LMBRD2: variants seen among roughly 807,000 people sequenced by gnomAD.
LMBRD2 encodes the protein LMBR1 domain containing 2, also known as G protein-coupled receptor-associated protein LMBRD2.
In LMBRD2, 55 loss-of-function variants were observed where a neutral mutation model predicts 94.4. That is an observed-to-expected ratio of 0.58 (90% CI 0.47 to 0.73). The LOEUF is 0.73. Among genes scored for constraint, LMBRD2 ranks in the 30% least tolerant of loss-of-function variants. The pLI, the probability that LMBRD2 is intolerant of heterozygous loss-of-function variation, is 0.00. For missense variants in LMBRD2, 640 were observed against 831.9 expected (o/e 0.77, Z 2.84); for synonymous variants, 246 against 272.4 (o/e 0.90, Z 0.95).
In LMBRD2 at chr5:36,136,436, A is replaced by C. The variant is rs764272758; in HGVS notation, c.620T>G (p.Val207Gly). 3 of 1,613,914 alleles carry C rather than the reference A, an allele frequency of 1.9e-6. No individual in the cohort carries two copies. The highest frequency in any genetic ancestry group is 2.5e-6 in the Non-Finnish European group (3 of 1,179,956). Residue 207 changes from valine (V) to glycine (G), a missense_variant, in exon 6 of 18, where the codon GTG (valine) becomes GGG (glycine). Transcript: ENST00000296603. ...LLVLLLGYGLVEIPRSYWNGA... is the reference protein window; with the variant it reads ...LLVLLLGYGLGEIPRSYWNGA... ...ATTCCAGTATGATCGAGGAATTTCCACCAAGCCATACCCCAACAACAACAC... is the reference window on the plus strand; with the variant it reads ...ATTCCAGTATGATCGAGGAATTTCCCCCAAGCCATACCCCAACAACAACAC...
In LMBRD2 at chr5:36,136,446, A is replaced by G. The variant is rs767822682; in HGVS notation, c.610T>C (p.Tyr204His). The G allele has an allele frequency of 6.2e-7, 1 of 1,613,998 alleles. No homozygotes were observed. The highest frequency in any genetic ancestry group is 8.5e-7 in the Non-Finnish European group (1 of 1,179,930). ...GLFLLVLLLGYGLVEIPRSYW... is the reference protein window; with the variant it reads ...GLFLLVLLLGHGLVEIPRSYW... Reference sequence around the variant, plus strand: ...GATCGAGGAATTTCCACCAAGCCATACCCCAACAACAACACAAGAAGAAAC... The same window carrying G: ...GATCGAGGAATTTCCACCAAGCCATGCCCCAACAACAACACAAGAAGAAAC... Residue 204 changes from tyrosine (Y) to histidine (H), a missense_variant, in exon 6 of 18, where the codon TAT (tyrosine) becomes CAT (histidine). Physicochemically the swap from Tyr to His is moderately conservative, Grantham distance 83. Transcript: ENST00000296603.
At position 36,114,540 on chromosome 5, in the gene LMBRD2, G is replaced by A. The variant is rs1743692997; in HGVS notation, c.1543-19C>T. 2 of 1,513,526 alleles carry A rather than the reference G, an allele frequency of 1.3e-6. No homozygotes were observed. The highest frequency in any genetic ancestry group is 5.1e-5 in the East Asian group (2 of 38,848). 93.8% of individuals were successfully genotyped at this position (1,513,526 alleles called of 1,614,324 possible). ...CCATAATCTGAAGAGCAAGAAAAAA[G>A]TAAGTTAAATTGGAATAGCTCTATA... is the stretch of plus-strand genomic sequence containing the variant. On this transcript the variant is annotated intron_variant, in intron 12 of 17. Coordinates refer to ENST00000296603, the MANE Select transcript of LMBRD2 (RefSeq NM_001007527.2).
At chr5:36,114,670 T>C in intron 12 of LMBRD2, 149 bp from the exon 13 acceptor site, 1 of 1,003,516 alleles carries the variant, frequency 1.0e-6, no homozygotes, top group Non-Finnish European at 1.3e-6. Context: ...GACTTATTTT[T>C]TAAAATCTGC....
At chr5:36,130,474 A>G (rs1744126377) in intron 6 of LMBRD2, among the ~76,000 whole-genome samples, 1 of 152,148 alleles carries the variant, frequency 6.6e-6, no homozygotes, top group Non-Finnish European at 1.5e-5. Flanking sequence ...ATACCACCAG[A>G]GAAAATCACC....
chr5:36,101,075 A>C lies in LMBRD2; in HGVS notation c.*2971T>G, dbSNP rs1182048044. 6.6e-6 allele frequency: 1 copy of C among 151,976 alleles called. No individual in the cohort carries two copies. The highest frequency in any genetic ancestry group is 1.5e-5 in the Non-Finnish European group (1 of 67,878). The allele number at this position is 151,976 out of a possible 1,614,324, so 9.4% of individuals were successfully genotyped here. On this transcript the variant is annotated 3_prime_UTR_variant, in exon 18 of 18. Transcript: ENST00000296603. ...TCTGATCTATTCTTTATAAAGGGAAAACCCTTGAATCTTTTGATTTAGTTC... is the reference window on the plus strand; with the variant it reads ...TCTGATCTATTCTTTATAAAGGGAACACCCTTGAATCTTTTGATTTAGTTC...
chr5:36,136,955 G>A (rs939094205), intron 5 of LMBRD2, among the ~76,000 whole-genome samples: 3 of 151,814 alleles, frequency 2.0e-5, no homozygotes, highest in African/African-American at 7.3e-5. Flanking sequence ...AAAATCACAA[G>A]TTCCAATGAA....
chr5:36,115,263 A>G, intron 11 of LMBRD2, 143 bp from the exon 12 acceptor site: 1 of 512,830 alleles, frequency 1.9e-6, no homozygotes. Context: ...TTGAATTCTT[A>G]ATGTGACCTG....
intron 16 of LMBRD2, among the ~76,000 whole-genome samples, chr5:36,105,799 G>A (rs531511209): frequency 1.8e-4 from 27 of 152,228 alleles, no homozygotes; most frequent in Non-Finnish European, 2.8e-4. Context: ...CAATAGCCAC[G>A]TGTGGCTAAT....
chr5:36,149,635 G>A (rs566067211), intron 1 of LMBRD2, among the ~76,000 whole-genome samples: 5 of 152,218 alleles, frequency 3.3e-5, no homozygotes, highest in African/African-American at 7.2e-5. Context: ...GGCTGGGCAC[G>A]GAGGCTCACG....
chr5:36,122,479 G>C lies in LMBRD2; in HGVS notation c.937-16C>G. On this transcript the variant is annotated splice_polypyrimidine_tract_variant and intron_variant, in intron 8 of 17. Coordinates refer to ENST00000296603, the MANE Select transcript of LMBRD2 (RefSeq NM_001007527.2). ...AATAAATCACCTAAAAAAGAGAATG[G>C]GGGTAGACCTGGCAGTGTTCTGATC... The C allele has an allele frequency of 6.2e-7, 1 of 1,604,728 alleles. No homozygotes were observed. Among genetic ancestry groups the C allele is most frequent in the South Asian group, 1.1e-5 (1 of 89,774 alleles).
chr5:36,106,395 G>T (rs776362311), intron 16 of LMBRD2, among the ~76,000 whole-genome samples: 3 of 151,324 alleles, frequency 2.0e-5, no homozygotes, highest in Non-Finnish European at 2.9e-5. Context: ...ACTTCCCCAA[G>T]AATTATGCTT....
intron 3 of LMBRD2, among the ~76,000 whole-genome samples, chr5:36,141,818 A>C (rs1169037073): frequency 6.6e-6 from 1 of 152,152 alleles, no homozygotes; most frequent in Non-Finnish European, 1.5e-5. Flanking sequence ...ACTTGCAACA[A>C]TCTGTAGCTG....
intron 8 of LMBRD2, 75 bp downstream of exon 8, chr5:36,122,773 C>A (rs1419354164): frequency 4.0e-6 from 6 of 1,484,828 alleles, no homozygotes; most frequent in Non-Finnish European, 5.4e-6. Context: ...CTAAAAATTC[C>A]TTTTTTTATG....
chr5:36,143,178 T>G lies in LMBRD2; in HGVS notation c.172A>C (p.Thr58Pro). ...IVFILPLDVSTTIYNRCKHAA... is the reference protein window; with the variant it reads ...IVFILPLDVSPTIYNRCKHAA... ...TGAAAATAAATTTCACTCCTTACCG[T>G]ACTAACATCCAGAGGCAGTATGAAG... The change falls in exon 2 of 18, where the codon ACG (threonine) becomes CCG (proline). Residue 58 changes from threonine to proline, a missense_variant and splice_region_variant. Physicochemically the swap from Thr to Pro is conservative, Grantham distance 38 (BLOSUM62 -1). Coordinates refer to ENST00000296603, the MANE Select transcript of LMBRD2 (RefSeq NM_001007527.2). 6.3e-7 allele frequency: 1 copy of G among 1,595,794 alleles called. No homozygotes were observed. Among genetic ancestry groups the G allele is most frequent in the Admixed American group, 1.7e-5 (1 of 57,162 alleles).
chr5:36,106,508 CGTT>C (rs1743471623), intron 16 of LMBRD2, among the ~76,000 whole-genome samples: 1 of 132,868 alleles, frequency 7.5e-6, no homozygotes, highest in Non-Finnish European at 1.6e-5. Flanking sequence ...TTTTTTCTTT[CGTT>C]TTTTTTTTTT....
At chr5:36,114,893 T>C (rs1190877048) in intron 12 of LMBRD2, 122 bp downstream of exon 12, 3 of 695,032 alleles carry the variant, frequency 4.3e-6, no homozygotes, top group Non-Finnish European at 4.9e-6. Context: ...ATACAATCTT[T>C]AAGAGAAAAT....
intron 7 of LMBRD2, among the ~76,000 whole-genome samples, chr5:36,123,853 T>C (rs769645273): frequency 3.3e-5 from 5 of 151,820 alleles, no homozygotes; most frequent in Non-Finnish European, 7.4e-5. Context: ...GATTGTAAGA[T>C]ATTACTGAGG....
rs181166480 is a variant in LMBRD2 at position 36,124,587 on chromosome 5, G to A, written c.748-322C>T. Among the ~76,000 whole-genome samples, 13 of 152,294 alleles carry A rather than the reference G, an allele frequency of 8.5e-5. No individual in the cohort carries two copies. In the East Asian group the frequency reaches 2.1e-3, roughly 25 times the overall value. On this transcript the variant is annotated intron_variant, in intron 6 of 17. Coordinates refer to ENST00000296603, the MANE Select transcript of LMBRD2 (RefSeq NM_001007527.2). ...TATGGTCCTAAAAGAATAGGGATAT[G>A]TTCCTCTGCCTTACTCACCAAGATC...
chr5:36,111,166 A>G lies in LMBRD2; in HGVS notation c.1733T>C (p.Leu578Ser). Residue 578 changes from leucine (L) to serine (S), a missense_variant, in exon 14 of 18, where the codon TTA becomes TCA. Leu to Ser is a moderately radical substitution (Grantham distance 145, BLOSUM62 -2). Around this residue, in one of 2 missense-constraint regions of LMBRD2, gnomAD observed 183 missense variants for 189.1 expected, o/e 0.97. Coordinates refer to ENST00000296603, the MANE Select transcript of LMBRD2 (RefSeq NM_001007527.2). ...AAGACAAATCTTACCTTTTCTGATTAATTCTTTTCCTTCATTAACTAAGTC... is the reference window on the plus strand; with the variant it reads ...AAGACAAATCTTACCTTTTCTGATTGATTCTTTTCCTTCATTAACTAAGTC... ...TSDLVNEGKE[L>S]IRKEKRKRQR... 6.3e-7 allele frequency: 1 copy of G among 1,592,588 alleles called. No homozygotes were observed. Among genetic ancestry groups the G allele is most frequent in the East Asian group, 2.2e-5 (1 of 44,606 alleles).
Sources: gnomAD v4.1 joint callset for allele counts (sites outside exome capture counted in the v4.1 genomes callset) on GRCh38, gnomAD v4.1.1 for gene constraint, gnomAD v4.1.1 regional missense constraint, MANE v1.5 for transcripts, NCBI Gene and HGNC (gene_info 2026-07-23, HGNC 2026-07-21) for gene names.